Variants in KAZN observed in about 807,000 individuals in gnomAD.
KAZN encodes kazrin, periplakin interacting protein.
In KAZN, 40 loss-of-function variants were observed where a neutral mutation model predicts 87.4. That is an observed-to-expected ratio of 0.46 (90% CI 0.36 to 0.60). The LOEUF is 0.60. KAZN is among the 20% of genes least tolerant of loss of function. The pLI is 0.00. For missense variants in KAZN, 898 were observed against 1,073.9 expected, an observed-to-expected ratio of 0.84 and a Z score of 2.29; for synonymous variants, 466 against 458.3, an observed-to-expected ratio of 1.02 and a Z score of -0.22.
intron 1 of KAZN, among the ~76,000 whole-genome samples, chr1:14,661,487 G>GT (rs1639161088): frequency 6.6e-6 from 1 of 152,112 alleles, no homozygotes; most frequent in Non-Finnish European, 1.5e-5. Context: ...CTCTGCTGTT[G>GT]TAACAGGAAA....
chr1:13,961,976 C>T (rs2101026433), intron 1 of KAZN, among the ~76,000 whole-genome samples: 1 of 152,298 alleles, frequency 6.6e-6, no homozygotes, highest in South Asian at 2.1e-4. Context: ...GGGATCATTT[C>T]CTCTATCCTT....
intron 3 of KAZN, among the ~76,000 whole-genome samples, chr1:15,036,230 AT>A (rs1205956109): frequency 8.6e-4 from 26 of 30,122 alleles, no homozygotes; most frequent in African/African-American, 3.5e-3. Context: ...CTCTCCCCCC[AT>A]CCCCCTCTGC....
chr1:15,053,195 G>C (rs369702664), intron 4 of KAZN, among the ~76,000 whole-genome samples: 3 of 152,222 alleles, frequency 2.0e-5, no homozygotes, highest in African/African-American at 7.2e-5. Context: ...CTAAGACTGC[G>C]AGTGTAGCAG....
At chr1:14,891,262 T>C in intron 1 of KAZN, among the ~76,000 whole-genome samples, 1 of 152,182 alleles carries the variant, frequency 6.6e-6, no homozygotes, top group Non-Finnish European at 1.5e-5. Flanking sequence ...CCCATCACCA[T>C]AGCAGTATAC....
intron 1 of KAZN, among the ~76,000 whole-genome samples, chr1:14,873,356 CAGTA>C (rs1652399725): frequency 6.6e-6 from 1 of 152,182 alleles, no homozygotes; most frequent in African/African-American, 2.4e-5. Flanking sequence ...TTTCTAGTAG[CAGTA>C]AGCACTATGA....
intron 2 of KAZN, among the ~76,000 whole-genome samples, chr1:14,394,907 G>A (rs977662645): frequency 1.3e-5 from 2 of 152,212 alleles, no homozygotes; most frequent in African/African-American, 4.8e-5. Context: ...ATATGACCTA[G>A]CTTTGCAGAC....
At chr1:14,468,117 G>A (rs755731508) in intron 2 of KAZN, among the ~76,000 whole-genome samples, 66 of 152,246 alleles carry the variant, frequency 4.3e-4, no homozygotes, top group Non-Finnish European at 4.0e-4. Context: ...AACCACAAGC[G>A]TCTACTACAC....
chr1:14,033,137 GCTA>G (rs1253514706), intron 1 of KAZN, among the ~76,000 whole-genome samples: 27 of 152,312 alleles, frequency 1.8e-4, no homozygotes, highest in Admixed American at 1.8e-3. Context: ...ATCCTTTTCT[GCTA>G]CTAATGCAGC....
chr1:14,489,912 A>G (rs759101837), intron 2 of KAZN, among the ~76,000 whole-genome samples: 1 of 152,112 alleles, frequency 6.6e-6, no homozygotes, highest in Non-Finnish European at 1.5e-5. Flanking sequence ...CTTTGCCTAC[A>G]TATCTGACTG....
chr1:14,883,385 A>AAG (rs1260365804), intron 1 of KAZN, among the ~76,000 whole-genome samples: 1 of 131,034 alleles, frequency 7.6e-6, no homozygotes, highest in Non-Finnish European at 1.6e-5. Flanking sequence ...GAAAGAAAGA[A>AAG]AGAAAGAAAG....
chr1:14,594,969 A>AC (rs1194691660), upstream of KAZN, among the ~76,000 whole-genome samples: 1 of 151,852 alleles, frequency 6.6e-6, no homozygotes, highest in Non-Finnish European at 1.5e-5. Flanking sequence ...AGATGGTGAA[A>AC]CCCCGTCTCT....
chr1:14,788,523 G>A (rs994390650), intron 1 of KAZN, among the ~76,000 whole-genome samples: 10 of 152,098 alleles, frequency 6.6e-5, no homozygotes, highest in African/African-American at 2.2e-4. Flanking sequence ...AGGCTTATAA[G>A]GTTTTCTTTC....
At chr1:14,766,847 C>T (rs1644897612) in intron 1 of KAZN, among the ~76,000 whole-genome samples, 1 of 151,842 alleles carries the variant, frequency 6.6e-6, no homozygotes, top group South Asian at 2.1e-4. Flanking sequence ...ATGGTATCCT[C>T]AAGTGTCTCT....
At chr1:14,032,167 A>G (rs1185283401) in intron 1 of KAZN, among the ~76,000 whole-genome samples, 3 of 152,120 alleles carry the variant, frequency 2.0e-5, no homozygotes, top group Non-Finnish European at 2.9e-5. Context: ...GATCTGTTTA[A>G]TGGGTCAGGG....
chr1:14,407,017 G>A (rs1055958822), intron 2 of KAZN, among the ~76,000 whole-genome samples: 1 of 152,210 alleles, frequency 6.6e-6, no homozygotes, highest in African/African-American at 2.4e-5. Flanking sequence ...AGTCATCTAT[G>A]AGTACCCCCA....
At chr1:14,577,951 C>T (rs1675294269) in intron 2 of KAZN, among the ~76,000 whole-genome samples, 1 of 152,138 alleles carries the variant, frequency 6.6e-6, no homozygotes, top group Non-Finnish European at 1.5e-5. Context: ...AGTCCAAACC[C>T]TGTGTTCAAA....
chr1:14,081,249 C>T (rs752361215), intron 1 of KAZN, among the ~76,000 whole-genome samples: 7 of 152,130 alleles, frequency 4.6e-5, no homozygotes, highest in Non-Finnish European at 1.0e-4. Flanking sequence ...TGTCCAAGCA[C>T]TCCTGGAGAT....
rs191802808 is a variant in KAZN at position 13,979,044 on chromosome 1, C to T, written c.91+85288C>T. Reference sequence around the variant, plus strand: ...CTGGAAGGTTGAGGCTGCAGTGAGCCGTGATTGCACCACTATACTCCAGCC... The same window carrying T: ...CTGGAAGGTTGAGGCTGCAGTGAGCTGTGATTGCACCACTATACTCCAGCC... On this transcript the variant is annotated intron_variant, in intron 1 of 16. Transcript: ENST00000636203. 4.0e-5 allele frequency among the ~76,000 whole-genome samples: 6 copies of T among 151,374 alleles called. No individual in the cohort carries two copies. In the East Asian group the frequency reaches 7.8e-4, roughly 20 times the overall value.
intron 4 of KAZN, among the ~76,000 whole-genome samples, chr1:15,045,866 G>A (rs1470117344): frequency 2.0e-5 from 3 of 152,130 alleles, no homozygotes; most frequent in South Asian, 2.1e-4. Context: ...GGAAACCAGC[G>A]CCATTATCCA....
Sources: allele counts gnomAD v4.1 joint callset (sites outside exome capture counted in the v4.1 genomes callset), GRCh38; gene constraint gnomAD v4.1.1; transcripts MANE v1.5; gene names NCBI Gene and HGNC (gene_info 2026-07-23, HGNC 2026-07-21).